The following COLEC10 variants were observed in gnomAD, a reference collection of about 807,000 sequenced individuals.
The protein encoded by COLEC10 is collectin subfamily member 10.
COLEC10 carries 22 observed loss-of-function variants against 28.4 expected under a neutral mutation model. That is an observed-to-expected ratio of 0.78 (90% CI 0.55 to 1.11). The LOEUF is 1.11. Ranked by LOEUF, COLEC10 falls within the 50% of genes least tolerant of loss-of-function variation. The pLI is 0.00. For synonymous variants in COLEC10, 125 were observed against 116.1 expected (o/e 1.08, Z -0.49); for missense variants, 361 against 344.1 (o/e 1.05, Z -0.39).
chr8:119,097,596 A>G (rs1026143068), intron 3 of COLEC10, among the ~76,000 whole-genome samples: 2 of 152,006 alleles, frequency 1.3e-5, no homozygotes, highest in African/African-American at 2.4e-5. Context: ...TTAATTTTGT[A>G]TCTTTTTTTA....
At chr8:119,082,375 C>A (rs1488988004) in intron 1 of COLEC10, among the ~76,000 whole-genome samples, 1 of 152,218 alleles carries the variant, frequency 6.6e-6, no homozygotes, top group African/African-American at 2.4e-5. Context: ...TCATTAAGCT[C>A]ACATTTATCT....
chr8:119,067,806 A>C (rs1163384807), intron 1 of COLEC10: 1 of 162,056 alleles, frequency 6.2e-6, no homozygotes, highest in Non-Finnish European at 1.3e-5. Flanking sequence ...CCTCCTTTCT[A>C]ATACTGATGC....
At chr8:118,979,181 C>A in the COLEC10 span, among the ~76,000 whole-genome samples, 2,382 of 151,874 alleles carry the variant, frequency 0.016, 64 homozygotes, top group African/African-American at 0.055. Flanking sequence ...AAAGTAAGAT[C>A]ATTTGATATT....
chr8:119,074,398 A>G (rs1232707154), intron 1 of COLEC10, among the ~76,000 whole-genome samples: 1 of 152,168 alleles, frequency 6.6e-6, no homozygotes, highest in Non-Finnish European at 1.5e-5. Flanking sequence ...CACCCCATAA[A>G]TGTATACACC....
intron 5 of COLEC10, among the ~76,000 whole-genome samples, chr8:119,104,483 G>C (rs1179973246): frequency 6.6e-6 from 1 of 151,986 alleles, no homozygotes; most frequent in Non-Finnish European, 1.5e-5. Context: ...TCCAATACTG[G>C]TCATTTTTGT....
chr8:119,104,683 C>A (rs1587068958), intron 5 of COLEC10, among the ~76,000 whole-genome samples: 1 of 152,080 alleles, frequency 6.6e-6, no homozygotes, highest in African/African-American at 2.4e-5. Context: ...CACATAGATG[C>A]TGTCTCGTGT....
chr8:119,011,645 T>C (rs924671697), intron 2 of COLEC10, among the ~76,000 whole-genome samples: 1 of 151,008 alleles, frequency 6.6e-6, no homozygotes, highest in African/African-American at 2.5e-5. Flanking sequence ...ACAAGAGTTT[T>C]GTGGTTTTCT....
intron 2 of COLEC10, among the ~76,000 whole-genome samples, chr8:119,039,243 A>G (rs542875031): frequency 7.9e-5 from 12 of 152,238 alleles, no homozygotes; most frequent in African/African-American, 2.9e-4. Flanking sequence ...CCACAAACCC[A>G]GGGTTGATTC....
chr8:119,065,035 C>T (rs1814926638), upstream of COLEC10, among the ~76,000 whole-genome samples: 2 of 152,122 alleles, frequency 1.3e-5, no homozygotes, highest in South Asian at 2.1e-4. Flanking sequence ...GTCAGTTATA[C>T]TATAGGCCTG....
chr8:118,980,361 T>A, the COLEC10 span, among the ~76,000 whole-genome samples: 1 of 151,850 alleles, frequency 6.6e-6, no homozygotes, highest in African/African-American at 2.4e-5. Flanking sequence ...GCTGGCTAAT[T>A]TTTGTATTTT....
chr8:118,973,789 T>C, the COLEC10 span, among the ~76,000 whole-genome samples: 1 of 152,008 alleles, frequency 6.6e-6, no homozygotes, highest in Non-Finnish European at 1.5e-5. Flanking sequence ...AGAAATCCTT[T>C]AAAGCATGAG....
chr8:119,042,186 C>T (rs771851177), intron 2 of COLEC10, among the ~76,000 whole-genome samples: 12 of 150,794 alleles, frequency 8.0e-5, no homozygotes, highest in South Asian at 4.2e-4. Flanking sequence ...TTAGTAGAGA[C>T]GGGGTTTCAC....
upstream of COLEC10, among the ~76,000 whole-genome samples, chr8:118,992,128 A>C (rs1231955199): frequency 2.0e-5 from 3 of 152,198 alleles, no homozygotes; most frequent in Non-Finnish European, 2.9e-5. Flanking sequence ...TACATCAATT[A>C]ATAATTATAG....
rs762415988 is a variant in COLEC10 at position 119,105,987 on chromosome 8, C to G, written c.630C>G (p.Gly210=). ...AKSGFFRVFI[G]VNDLEREGQY... ...GTGGCTTCTTTCGGGTGTTCATTGG[C>G]GTGAATGACCTTGAAAGGGAGGGAC... Residue 210 remains glycine, a synonymous_variant, in exon 6 of 6, where the codon GGC becomes GGG. Coordinates refer to ENST00000332843, the MANE Select transcript of COLEC10 (RefSeq NM_006438.5). 68 of 1,613,596 alleles carry G rather than the reference C, an allele frequency of 4.2e-5. No homozygotes were observed. The highest frequency in any genetic ancestry group is 1.6e-4 in the Middle Eastern group (1 of 6,078).
chr8:118,970,008 G>A, the COLEC10 span, among the ~76,000 whole-genome samples: 1 of 152,012 alleles, frequency 6.6e-6, no homozygotes, highest in Admixed American at 6.6e-5. Context: ...AAAGAAGAAT[G>A]TGAGCTACAG....
rs1815948049 is a variant in COLEC10 at position 119,106,528 on chromosome 8, A to G, written c.*337A>G. 5.1e-6 allele frequency: 1 copy of G among 194,656 alleles called. No homozygotes were observed. Among genetic ancestry groups the G allele is most frequent in the Non-Finnish European group, 1.1e-5 (1 of 92,188 alleles). 12.1% of individuals were successfully genotyped at this position (194,656 alleles called of 1,614,324 possible). On this transcript the variant is annotated 3_prime_UTR_variant, in exon 6 of 6. Coordinates refer to ENST00000332843, the MANE Select transcript of COLEC10 (RefSeq NM_006438.5). ...TCTCTCCCTAGAGCACTCTGTGTCT[A>G]TCCCAGTGGATAATTTCCCAGTTTA...
intron 2 of COLEC10, among the ~76,000 whole-genome samples, chr8:119,055,258 A>T (rs1814741571): frequency 6.6e-6 from 1 of 152,050 alleles, no homozygotes. Flanking sequence ...CTACTGATTG[A>T]GGCTTCTCAG....
At chr8:119,061,524 A>T (rs1409173373) in intron 2 of COLEC10, among the ~76,000 whole-genome samples, 3 of 152,054 alleles carry the variant, frequency 2.0e-5, no homozygotes, top group Non-Finnish European at 4.4e-5. Flanking sequence ...AACAACATCA[A>T]ATTTCTCAGC....
the COLEC10 span, among the ~76,000 whole-genome samples, chr8:118,952,890 T>TTACA: frequency 5.3e-5 from 8 of 152,198 alleles, no homozygotes; most frequent in African/African-American, 1.9e-4. Flanking sequence ...CATTCATGGA[T>TTACA]TACAGTTCGC....
Sources: allele counts gnomAD v4.1 joint callset (sites outside exome capture counted in the v4.1 genomes callset), GRCh38; gene constraint gnomAD v4.1.1; transcripts MANE v1.5; gene names NCBI Gene and HGNC (gene_info 2026-07-23, HGNC 2026-07-21).